ADGRA3: variants seen among roughly 807,000 people sequenced by gnomAD.
The protein encoded by ADGRA3 is G-protein coupled receptor 125.
Under a neutral mutation model 119.8 loss-of-function variants are expected in ADGRA3, and 56 were observed. That is an observed-to-expected ratio of 0.47 (90% CI 0.38 to 0.58). ADGRA3 has a LOEUF of 0.58. Among genes scored for constraint, ADGRA3 ranks in the 20% least tolerant of loss-of-function variants. ADGRA3 has a pLI of 0.00. For missense variants in ADGRA3, 1,516 were observed against 1,649.0 expected, an observed-to-expected ratio of 0.92 and a Z score of 1.40; for synonymous variants, 607 against 623.8, an observed-to-expected ratio of 0.97 and a Z score of 0.40.
chr4:22,514,932 C>T (rs1370777442), intron 1 of ADGRA3, among the ~76,000 whole-genome samples: 2 of 152,102 alleles, frequency 1.3e-5, no homozygotes, highest in Non-Finnish European at 2.9e-5. Context: ...GACACGAAAA[C>T]GGGACTGCAA....
intron 16 of ADGRA3, among the ~76,000 whole-genome samples, chr4:22,399,712 C>A (rs1307330712): frequency 6.6e-6 from 1 of 152,176 alleles, no homozygotes; most frequent in Non-Finnish European, 1.5e-5. Context: ...TAATACCACA[C>A]TGGTTTCATT....
intron 1 of ADGRA3, among the ~76,000 whole-genome samples, chr4:22,489,262 C>A (rs1161961813): frequency 6.6e-6 from 1 of 152,084 alleles, no homozygotes; most frequent in African/African-American, 2.4e-5. Flanking sequence ...GAGGAAACAG[C>A]TGATGATTTA....
rs531490521 is a variant in ADGRA3 at position 22,426,155 on chromosome 4, T to C, written c.1444-1803A>G. ...TTAAGATGATAGACTCTAGAGGTAGTAGAAGGGTTGTATTTGTATGTCTGT... is the reference window on the plus strand; with the variant it reads ...TTAAGATGATAGACTCTAGAGGTAGCAGAAGGGTTGTATTTGTATGTCTGT... On this transcript the variant is annotated intron_variant, in intron 10 of 18. Transcript: ENST00000334304. 2.6e-5 allele frequency among the ~76,000 whole-genome samples: 4 copies of C among 152,252 alleles called. No homozygotes were observed. In the South Asian group the frequency reaches 6.2e-4, roughly 24 times the overall value.
intron 4 of ADGRA3, among the ~76,000 whole-genome samples, chr4:22,454,166 C>T (rs1409295188): frequency 6.6e-6 from 1 of 152,020 alleles, no homozygotes; most frequent in East Asian, 1.9e-4. Context: ...TAGCTTAAAA[C>T]TTCTTTATTT....
intron 2 of ADGRA3, among the ~76,000 whole-genome samples, chr4:22,463,520 C>A (rs185508095): frequency 2.9e-4 from 44 of 152,268 alleles, no homozygotes; most frequent in African/African-American, 9.4e-4. Flanking sequence ...CAGAAAGCAG[C>A]GGGCATCCCT....
intron 10 of ADGRA3, among the ~76,000 whole-genome samples, chr4:22,433,766 G>A (rs981998661): frequency 6.6e-6 from 1 of 152,108 alleles, no homozygotes; most frequent in Non-Finnish European, 1.5e-5. Flanking sequence ...CTAATCCTGT[G>A]GGCACCAACC....
intron 1 of ADGRA3, among the ~76,000 whole-genome samples, chr4:22,499,560 T>C (rs1718978674): frequency 6.6e-6 from 1 of 152,188 alleles, no homozygotes; most frequent in African/African-American, 2.4e-5. Context: ...ACTAGAGTGT[T>C]ATGAATTCAT....
At chr4:22,392,442 G>C (rs1049941004) in intron 17 of ADGRA3, 103 bp downstream of exon 17, 1 of 1,390,818 alleles carries the variant, frequency 7.2e-7, no homozygotes, top group Non-Finnish European at 1.0e-6. Context: ...ATACAAGTCC[G>C]TTCTTTTACT....
rs201489253 is a variant in ADGRA3, at chr4:22,436,650, G to A, written c.1086-9C>T. On this transcript the variant is annotated splice_polypyrimidine_tract_variant and intron_variant, in intron 8 of 18. Coordinates refer to ENST00000334304, the MANE Select transcript of ADGRA3 (RefSeq NM_145290.4). ...CCAATGTTCTGGGCCATCTAGAGAT[G>A]AAGACAAAATAGTACAAGAAAATCT... The A allele has an allele frequency of 9.8e-5, 158 of 1,611,704 alleles. No homozygotes were observed. The highest frequency in any genetic ancestry group is 1.3e-4 in the Non-Finnish European group (151 of 1,177,996).
intron 1 of ADGRA3, among the ~76,000 whole-genome samples, chr4:22,508,027 T>C (rs967117303): frequency 5.9e-5 from 9 of 152,324 alleles, no homozygotes; most frequent in Admixed American, 4.6e-4. Flanking sequence ...CACCACGTAG[T>C]CGTATCTCTG....
At chr4:22,499,365 G>A (rs1245287804) in intron 1 of ADGRA3, among the ~76,000 whole-genome samples, 1 of 152,156 alleles carries the variant, frequency 6.6e-6, no homozygotes, top group Admixed American at 6.5e-5. Context: ...GAAAGTGAAG[G>A]CCAGAAATGT....
chr4:22,448,180 T>G (rs4697300), intron 4 of ADGRA3, among the ~76,000 whole-genome samples: 20,968 of 152,194 alleles, frequency 0.14, 1,513 homozygotes, highest in South Asian at 0.23. Flanking sequence ...TTTGACCGAA[T>G]TATTTCTTTC....
chr4:22,425,080 A>C (rs1009841296), intron 10 of ADGRA3, among the ~76,000 whole-genome samples: 4 of 151,920 alleles, frequency 2.6e-5, no homozygotes, highest in African/African-American at 9.7e-5. Context: ...CTTAAAAAAA[A>C]AAAAAAAAAG....
rs758649398 is a variant in ADGRA3, at chr4:22,394,660, A to AG, written c.2482-1971dup. On this transcript the variant is annotated intron_variant, in intron 16 of 18. Transcript: ENST00000334304. Reference sequence around the variant, plus strand: ...GACACAAAGGTCAAAAGAATGAGGTAGGGCTCTAAAATACAAAAGTAAAAA... The same window carrying AG: ...GACACAAAGGTCAAAAGAATGAGGTAGGGGCTCTAAAATACAAAAGTAAAAA... The AG allele has an allele frequency of 3.9e-5, 6 of 152,328 alleles. No homozygotes were observed. In the East Asian group the frequency reaches 9.6e-4, roughly 24 times the overall value. The allele number at this position is 152,328 out of a possible 1,614,324, so 9.4% of individuals were successfully genotyped here.
intron 1 of ADGRA3, among the ~76,000 whole-genome samples, chr4:22,506,422 G>A (rs1265775584): frequency 2.6e-5 from 4 of 152,148 alleles, no homozygotes; most frequent in African/African-American, 9.7e-5. Context: ...GCATGGTGGT[G>A]CGTGTCTGTG....
At position 22,458,825 on chromosome 4, in the gene ADGRA3, G is replaced by GA. The variant is rs1027023863; in HGVS notation, c.401+2911dup. 1.3e-5 allele frequency among the ~76,000 whole-genome samples: 2 copies of GA among 152,108 alleles called. 1 individual carries two copies. Among genetic ancestry groups the GA allele is most frequent in the Non-Finnish European group, 2.9e-5 (2 of 68,036 alleles). ...CTTGTTCCATTAAAAGTCTTCACTA[G>GA]AAAATAATAAAGTGCAGAATGGGCA... is the stretch of plus-strand genomic sequence containing the variant. On this transcript the variant is annotated intron_variant, in intron 3 of 18. Transcript: ENST00000334304.
chr4:22,428,125 ATACG>A lies in ADGRA3; in HGVS notation c.1444-3777_1444-3774del, dbSNP rs1373153845. ...TGTTATCATATTAATATACAAGATA[ATACG>A]TAAACTAAACTTGATGATATTTAAT... On this transcript the variant is annotated intron_variant, in intron 10 of 18. Coordinates refer to ENST00000334304, the MANE Select transcript of ADGRA3 (RefSeq NM_145290.4). 3.9e-5 allele frequency among the ~76,000 whole-genome samples: 6 copies of A among 152,296 alleles called. No homozygotes were observed. In the South Asian group the frequency reaches 1.2e-3, roughly 32 times the overall value.
chr4:22,470,644 C>A (rs1717827401), intron 2 of ADGRA3, among the ~76,000 whole-genome samples: 1 of 152,194 alleles, frequency 6.6e-6, no homozygotes, highest in Admixed American at 6.5e-5. Context: ...TTATTCTGTT[C>A]TCATCTTCAG....
intron 16 of ADGRA3, chr4:22,393,469 C>T (rs917812124): frequency 6.6e-6 from 1 of 152,134 alleles, no homozygotes; most frequent in African/African-American, 2.4e-5. Context: ...TACACTGTAA[C>T]AATCACAAAG....
Sources: gnomAD v4.1 joint callset for allele counts (sites outside exome capture counted in the v4.1 genomes callset) on GRCh38, gnomAD v4.1.1 for gene constraint, MANE v1.5 for transcripts, NCBI Gene and HGNC (gene_info 2026-07-23, HGNC 2026-07-21) for gene names.